The following DDX60L variants were observed in gnomAD, a reference collection of about 807,000 sequenced individuals.
The protein encoded by DDX60L is probable ATP-dependent RNA helicase DDX60-like.
In DDX60L, 191 loss-of-function variants were observed where a neutral mutation model predicts 211.6. The ratio of observed to expected loss-of-function variants is 0.90; its 90% CI spans 0.80 to 1.02. The LOEUF is 1.02. DDX60L is among the 50% of genes least tolerant of loss of function. The pLI is 0.00. For missense variants in DDX60L, 2,007 were observed against 1,984.1 expected (o/e 1.01, Z -0.22); for synonymous variants, 706 against 694.1 (o/e 1.02, Z -0.27).
Position 168,456,073 on chromosome 4 carries a change from C to T in DDX60L, c.803G>A (p.Cys268Tyr). 1 of 1,596,968 alleles carries T rather than the reference C, an allele frequency of 6.3e-7. No individual in the cohort carries two copies. ...DIQRVLCVTS[C>Y]SLSLRMYHRV... ...ATGGTACATTCTCAAGGATAGTGAA[C>T]ATGAAGTGACACAGAGAACACGCTG... is the stretch of plus-strand genomic sequence containing the variant. Residue 268 changes from cysteine to tyrosine, a missense_variant, in exon 7 of 38, where the codon TGT becomes TAT. By Grantham distance (194) the Cys-to-Tyr change is radical (BLOSUM62 -2). Coordinates refer to ENST00000682922, the MANE Select transcript of DDX60L (RefSeq NM_001012967.3).
chr4:168,463,734 A>G (rs1217690214), intron 4 of DDX60L, among the ~76,000 whole-genome samples: 1 of 152,086 alleles, frequency 6.6e-6, no homozygotes, highest in African/African-American at 2.4e-5. Flanking sequence ...CCCCCACCCC[A>G]AAAAAATCCT....
intron 9 of DDX60L, among the ~76,000 whole-genome samples, chr4:168,446,656 C>T (rs1471044999): frequency 2.0e-5 from 3 of 151,436 alleles, no homozygotes; most frequent in Non-Finnish European, 4.4e-5. Context: ...GGAACCAAAA[C>T]AGCATGGTAC....
rs950961635 is a variant in DDX60L, at chr4:168,405,821, G to C, written c.3213+129C>G. ...CTATCTCATACTCACTGGATAACAT[G>C]TTTAAATGGAATTACTAAAACAAAA... On this transcript the variant is annotated intron_variant, in intron 24 of 37. Transcript: ENST00000682922. 3.0e-6 allele frequency: 3 copies of C among 992,120 alleles called. No homozygotes were observed. In the Admixed American group the frequency reaches 9.8e-5, roughly 32 times the overall value. The allele number at this position is 992,120 out of a possible 1,614,324, so 61.5% of individuals were successfully genotyped here.
At chr4:168,445,680 C>T (rs1193086319) in intron 9 of DDX60L, among the ~76,000 whole-genome samples, 1 of 151,596 alleles carries the variant, frequency 6.6e-6, no homozygotes, top group Non-Finnish European at 1.5e-5. Flanking sequence ...GCTTATCCAC[C>T]ATGATCAAGT....
chr4:168,419,776 G>C (rs1750178252), intron 18 of DDX60L, among the ~76,000 whole-genome samples: 2 of 152,166 alleles, frequency 1.3e-5, no homozygotes, highest in African/African-American at 4.8e-5. Flanking sequence ...TAGCAATTTT[G>C]AATGGAAAGA....
chr4:168,406,656 G>T lies in DDX60L; in HGVS notation c.3030C>A (p.Ser1010Arg). 6.2e-7 allele frequency: 1 copy of T among 1,607,552 alleles called. No individual in the cohort carries two copies. Among genetic ancestry groups the T allele is most frequent in the Non-Finnish European group, 8.5e-7 (1 of 1,176,878 alleles). Residue 1010 changes from serine to arginine, a missense_variant, in exon 23 of 38, where the codon AGC becomes AGA. By Grantham distance (110) the Ser-to-Arg change is moderately radical. Transcript: ENST00000682922. ...GAGCCATGGTATCATAAAGCTGGAT[G>T]CTTTCTTGAGGGGTGAGGGTAAGAT... ...PPDLTLTPQE[S>R]IQLYDTMAQV...
intron 15 of DDX60L, 102 bp from the exon 16 acceptor site, chr4:168,422,772 C>T (rs1490817562): frequency 8.6e-6 from 8 of 929,968 alleles, no homozygotes; most frequent in Non-Finnish European, 1.3e-5. Flanking sequence ...GGCATTTTTA[C>T]TACACTTTTT....
At chr4:168,475,507 A>G (rs1449720591) in intron 1 of DDX60L, among the ~76,000 whole-genome samples, 1 of 152,220 alleles carries the variant, frequency 6.6e-6, no homozygotes, top group Non-Finnish European at 1.5e-5. Flanking sequence ...GTATAGATAA[A>G]TAACAATGAA....
At chr4:168,380,710 C>T (rs995798988) in intron 30 of DDX60L, 1 of 152,064 alleles carries the variant, frequency 6.6e-6, no homozygotes, top group African/African-American at 2.4e-5. Flanking sequence ...AATGTGGAAG[C>T]GATTTTGGAA....
intron 17 of DDX60L, 76 bp from the exon 18 acceptor site, chr4:168,420,456 A>T: frequency 4.6e-6 from 3 of 650,940 alleles, no homozygotes; most frequent in Non-Finnish European, 7.0e-6. Context: ...AACCGAATCC[A>T]TACACATACA....
chr4:168,379,459 C>G lies in DDX60L; in HGVS notation c.4267G>C (p.Ala1423Pro). 6.3e-7 allele frequency: 1 copy of G among 1,590,066 alleles called. No homozygotes were observed. Among genetic ancestry groups the G allele is most frequent in the East Asian group, 2.2e-5 (1 of 44,524 alleles). The change falls in exon 32 of 38, where the codon GCA (alanine) becomes CCA (proline). Residue 1423 changes from alanine to proline, a missense_variant. Ala to Pro is a conservative substitution (Grantham distance 27). Coordinates refer to ENST00000682922, the MANE Select transcript of DDX60L (RefSeq NM_001012967.3). Reference sequence around the variant, plus strand: ...GGTTCATGACCATGCAAATATGATGCAAGTCCTGCAAATTTCTTTGGATTA... The same window carrying G: ...GGTTCATGACCATGCAAATATGATGGAAGTCCTGCAAATTTCTTTGGATTA... ...KGNPKKFAGL[A>P]SYLHGHEPSN...
At position 168,400,950 on chromosome 4, in the gene DDX60L, C is replaced by G; in HGVS notation, c.3367G>C (p.Ala1123Pro). The G allele has an allele frequency of 3.7e-6, 6 of 1,613,824 alleles. No homozygotes were observed. Among genetic ancestry groups the G allele is most frequent in the Non-Finnish European group, 5.1e-6 (6 of 1,179,816 alleles). Reference protein sequence around the residue: ...LFKNDDVGKRAGSVCTFLEKT... With the variant: ...LFKNDDVGKRPGSVCTFLEKT... ...TCCAGAAAAGTGCACACACTTCCAG[C>G]TCTTTTTCCCACATCATCATTCTTA... Residue 1123 changes from alanine to proline, a missense_variant, in exon 26 of 38, where the codon GCT becomes CCT. Ala to Pro is a conservative substitution (Grantham distance 27). Coordinates refer to ENST00000682922, the MANE Select transcript of DDX60L (RefSeq NM_001012967.3).
chr4:168,433,495 G>A (rs1343544806), intron 10 of DDX60L, among the ~76,000 whole-genome samples: 1 of 151,992 alleles, frequency 6.6e-6, no homozygotes, highest in African/African-American at 2.4e-5. Flanking sequence ...AAGCCTCCAT[G>A]AAAATTAAAT....
chr4:168,450,982 CT>C (rs10719249), intron 8 of DDX60L, among the ~76,000 whole-genome samples: 124,509 of 152,140 alleles, frequency 0.82, 51,049 homozygotes, highest in East Asian at 0.89. Flanking sequence ...ACTGAATTTT[CT>C]TGTCAACATC....
chr4:168,410,759 C>T (rs1748542036), intron 22 of DDX60L, among the ~76,000 whole-genome samples: 2 of 152,094 alleles, frequency 1.3e-5, no homozygotes, highest in African/African-American at 4.8e-5. Context: ...CTTCTCAATC[C>T]ACCATGAAAA....
At chr4:168,388,070 CA>C (rs1432136795) in intron 29 of DDX60L, among the ~76,000 whole-genome samples, 1 of 152,232 alleles carries the variant, frequency 6.6e-6, no homozygotes, top group Non-Finnish European at 1.5e-5. Context: ...ATCAGTTCCA[CA>C]AATACCTTCA....
rs578047865 is a variant in DDX60L at position 168,399,974 on chromosome 4, C to T, written c.3491+852G>A. On this transcript the variant is annotated intron_variant, in intron 26 of 37. Transcript: ENST00000682922. ...ATAACCCAGGTATTAAGCCTAGTGC[C>T]TATTAGGTATTTCTCCTGATCCTCT... is the stretch of plus-strand genomic sequence containing the variant. Among the ~76,000 whole-genome samples, 3 of 152,276 alleles carry T rather than the reference C, an allele frequency of 2.0e-5. No homozygotes were observed. The South Asian group carries it at 6.2e-4, about 32-fold the overall frequency.
At chr4:168,459,758 G>GGGAAGGAAGGAGGGAGGGAAGGAAGGAA (rs1561119580) in intron 5 of DDX60L, among the ~76,000 whole-genome samples, 1 of 42,756 alleles carries the variant, frequency 2.3e-5, no homozygotes, top group Non-Finnish European at 4.7e-5. Context: ...ACCAAAGGGA[G>GGGAAGGAAGGAGGGAGGGAAGGAAGGAA]GGAAGGAAGG....
At chr4:168,471,720 A>G (rs766026286) in intron 4 of DDX60L, 27 bp downstream of exon 4, 2 of 1,560,486 alleles carry the variant, frequency 1.3e-6, no homozygotes, top group African/African-American at 2.8e-5. Context: ...TCAAAGGACT[A>G]AAACGACATC....
Sources: gnomAD v4.1 joint callset for allele counts (sites outside exome capture counted in the v4.1 genomes callset) on GRCh38, gnomAD v4.1.1 for gene constraint, MANE v1.5 for transcripts, NCBI Gene and HGNC (gene_info 2026-07-23, HGNC 2026-07-21) for gene names.